The following LCE6A variants were observed in gnomAD, a reference collection of about 807,000 sequenced individuals.
LCE6A encodes late cornified envelope protein 6A.
For synonymous variants in LCE6A, 38 were observed against 35.2 expected, an observed-to-expected ratio of 1.08 and a Z score of -0.28; for missense variants, 105 against 95.3, an observed-to-expected ratio of 1.10 and a Z score of -0.42.
Position 152,843,492 on chromosome 1 carries a change from TC to T in LCE6A, c.-21-7del. 6.7e-7 allele frequency: 1 copy of T among 1,491,126 alleles called. No homozygotes were observed. The highest frequency in any genetic ancestry group is 1.3e-5 in the South Asian group (1 of 74,548). 92.4% of individuals were successfully genotyped at this position (1,491,126 alleles called of 1,614,324 possible). ...CCTGGGTCCCTGATATAACTATTTT[TC>T]TTCCAGATTCGACCTGGTAGCCAAG... On this transcript the variant is annotated splice_polypyrimidine_tract_variant and splice_region_variant and intron_variant, in intron 1 of 1. Transcript: ENST00000431011.
Position 152,843,824 on chromosome 1 carries a change from A to T in LCE6A, c.*61A>T. 10 of 1,474,800 alleles carry T rather than the reference A, an allele frequency of 6.8e-6. No individual in the cohort carries two copies. Among genetic ancestry groups the T allele is most frequent in the Non-Finnish European group, 9.0e-6 (10 of 1,110,038 alleles). 91.4% of individuals were successfully genotyped at this position (1,474,800 alleles called of 1,614,324 possible). A position where few individuals can be genotyped will look rare whatever the true frequency, so the allele number is the denominator to read the frequency against. ...CTCCCTGCCCCACCTTTGGGTACTAATTCCCCCTTGGAAAGCCAGGCCCTC... is the reference window on the plus strand; with the variant it reads ...CTCCCTGCCCCACCTTTGGGTACTATTTCCCCCTTGGAAAGCCAGGCCCTC... On this transcript the variant is annotated 3_prime_UTR_variant, in exon 2 of 2. Coordinates refer to ENST00000431011, the MANE Select transcript of LCE6A (RefSeq NM_001128600.2).
chr1:152,843,803 C>A lies in LCE6A; in HGVS notation c.*40C>A. 2 of 1,505,980 alleles carry A rather than the reference C, an allele frequency of 1.3e-6. No homozygotes were observed. The highest frequency in any genetic ancestry group is 8.9e-7 in the Non-Finnish European group (1 of 1,123,788). 93.3% of individuals were successfully genotyped at this position (1,505,980 alleles called of 1,614,324 possible). On this transcript the variant is annotated 3_prime_UTR_variant, in exon 2 of 2. Coordinates refer to ENST00000431011, the MANE Select transcript of LCE6A (RefSeq NM_001128600.2). ...AGGCACAGGTGCAGTTACTCTCTCCCTGCCCCACCTTTGGGTACTAATTCC... is the reference window on the plus strand; with the variant it reads ...AGGCACAGGTGCAGTTACTCTCTCCATGCCCCACCTTTGGGTACTAATTCC...
intron 1 of LCE6A, among the ~76,000 whole-genome samples, 186 bp from the exon 2 acceptor site, chr1:152,843,314 G>A (rs11806299): frequency 0.053 from 7,995 of 151,052 alleles, 673 homozygotes; most frequent in African/African-American, 0.18. Context: ...ATGGTTATTA[G>A]TAAGTGAGTC....
At position 152,842,906 on chromosome 1, in the gene LCE6A, A is replaced by G. The variant is rs1357896154; in HGVS notation, c.-127A>G. ...ATAACTTGTCCACACATCTTCCACT[A>G]GGGTAAGGCTACTTCTGGCTGAGGA... On this transcript the variant is annotated 5_prime_UTR_variant, in exon 1 of 2. Transcript: ENST00000431011. 1 of 152,280 alleles carries G rather than the reference A, an allele frequency of 6.6e-6. No homozygotes were observed. The highest frequency in any genetic ancestry group is 6.5e-5 in the Admixed American group (1 of 15,268). The allele number at this position is 152,280 out of a possible 1,614,324, so 9.4% of individuals were successfully genotyped here. A position where few individuals can be genotyped will look rare whatever the true frequency, so the allele number is the denominator to read the frequency against.
At position 152,842,937 on chromosome 1, in the gene LCE6A, T is replaced by C. The variant is rs1647887609; in HGVS notation, c.-96T>C. The stretch of plus-strand genomic sequence containing the variant: ...AGGCTACTTCTGGCTGAGGAGACAC[T>C]TGGATGTAGCTCAAGTGCTGCTTAG... On this transcript the variant is annotated 5_prime_UTR_variant, in exon 1 of 2. Transcript: ENST00000431011. 2 of 152,282 alleles carry C rather than the reference T, an allele frequency of 1.3e-5. 1 individual carries two copies. The highest frequency in any genetic ancestry group is 6.3e-3 in the Middle Eastern group (2 of 320). 9.4% of individuals were successfully genotyped at this position (152,282 alleles called of 1,614,324 possible).
Position 152,843,894 on chromosome 1 carries a change from A to G in LCE6A, c.*131A>G. ...GAAACACTTCCTGATCCCCAGCTCTAGAGAAGCGAGAACTAGGCTGAGCCA... is the reference window on the plus strand; with the variant it reads ...GAAACACTTCCTGATCCCCAGCTCTGGAGAAGCGAGAACTAGGCTGAGCCA... On this transcript the variant is annotated 3_prime_UTR_variant, in exon 2 of 2. Coordinates refer to ENST00000431011, the MANE Select transcript of LCE6A (RefSeq NM_001128600.2). 5 of 1,137,788 alleles carry G rather than the reference A, an allele frequency of 4.4e-6. No homozygotes were observed. The highest frequency in any genetic ancestry group is 6.1e-6 in the Non-Finnish European group (5 of 820,910). The allele number at this position is 1,137,788 out of a possible 1,614,324, so 70.5% of individuals were successfully genotyped here. A position where few individuals can be genotyped will look rare whatever the true frequency, so the allele number is the denominator to read the frequency against.
At chr1:152,843,418 A>AT in intron 1 of LCE6A, 82 bp from the exon 2 acceptor site, 1 of 1,299,452 alleles carries the variant, frequency 7.7e-7, no homozygotes. Context: ...GCTGGACTTC[A>AT]TTTTTGACAG....
chr1:152,843,513 G>T lies in LCE6A; in HGVS notation c.-8G>T, dbSNP rs1340470257. 6.6e-7 allele frequency: 1 copy of T among 1,517,172 alleles called. No homozygotes were observed. Among genetic ancestry groups the T allele is most frequent in the African/African-American group, 1.4e-5 (1 of 71,360 alleles). The allele number at this position is 1,517,172 out of a possible 1,614,324, so 94.0% of individuals were successfully genotyped here. The stretch of plus-strand genomic sequence containing the variant: ...TTTTTCTTCCAGATTCGACCTGGTA[G>T]CCAAGCAATGTCACAGCAGAAGCAG... On this transcript the variant is annotated 5_prime_UTR_variant, in exon 2 of 2. Coordinates refer to ENST00000431011, the MANE Select transcript of LCE6A (RefSeq NM_001128600.2).
chr1:152,843,867 G>A lies in LCE6A; in HGVS notation c.*104G>A. On this transcript the variant is annotated 3_prime_UTR_variant, in exon 2 of 2. Transcript: ENST00000431011. ...AGGCCCTCAACCTCTCATTTGGACT[G>A]AGAAACACTTCCTGATCCCCAGCTC... 1.5e-6 allele frequency: 2 copies of A among 1,333,668 alleles called. No homozygotes were observed. The highest frequency in any genetic ancestry group is 2.7e-4 in the Middle Eastern group (1 of 3,730). 82.6% of individuals were successfully genotyped at this position (1,333,668 alleles called of 1,614,324 possible).
chr1:152,843,558 A>G lies in LCE6A; in HGVS notation c.38A>G (p.Asn13Ser), dbSNP rs1301762816. Residue 13 changes from asparagine to serine, a missense_variant, in exon 2 of 2, where the codon AAT becomes AGT. Asn to Ser is a conservative substitution (Grantham distance 46, BLOSUM62 1). Coordinates refer to ENST00000431011, the MANE Select transcript of LCE6A (RefSeq NM_001128600.2). ...QQKQQSWKPPNVPKCSPPQRS... is the reference protein window; with the variant it reads ...QQKQQSWKPPSVPKCSPPQRS... Reference sequence around the variant, plus strand: ...AAGCAGCAATCTTGGAAGCCTCCAAATGTTCCCAAATGCTCCCCTCCCCAA... The same window carrying G: ...AAGCAGCAATCTTGGAAGCCTCCAAGTGTTCCCAAATGCTCCCCTCCCCAA... 6 of 1,549,378 alleles carry G rather than the reference A, an allele frequency of 3.9e-6. No individual in the cohort carries two copies. Among genetic ancestry groups the G allele is most frequent in the African/African-American group, 2.7e-5 (2 of 72,878 alleles).
In LCE6A at chr1:152,843,832, T is replaced by C; in HGVS notation, c.*69T>C. On this transcript the variant is annotated 3_prime_UTR_variant, in exon 2 of 2. Transcript: ENST00000431011. ...CCCACCTTTGGGTACTAATTCCCCC[T>C]TGGAAAGCCAGGCCCTCAACCTCTC... The C allele has an allele frequency of 6.8e-7, 1 of 1,464,780 alleles. No homozygotes were observed. The highest frequency in any genetic ancestry group is 9.1e-7 in the Non-Finnish European group (1 of 1,104,264). The allele number at this position is 1,464,780 out of a possible 1,614,324, so 90.7% of individuals were successfully genotyped here. A position where few individuals can be genotyped will look rare whatever the true frequency, so the allele number is the denominator to read the frequency against.
Position 152,843,611 on chromosome 1 carries a change from T to C in LCE6A, c.91T>C (p.Ser31Pro). 2 of 1,551,566 alleles carry C rather than the reference T, an allele frequency of 1.3e-6. No individual in the cohort carries two copies. The highest frequency in any genetic ancestry group is 1.7e-6 in the Non-Finnish European group (2 of 1,146,902). ...ATCAAACCCCTGCCTAGCTCCCTAC[T>C]CGACTCCTTGTGGTGCTCCCCATTC... is the stretch of plus-strand genomic sequence containing the variant. ...QRSNPCLAPY[S>P]TPCGAPHSEG... The change falls in exon 2 of 2, where the codon TCG becomes CCG. Residue 31 changes from serine (S) to proline (P), a missense_variant. Ser to Pro is a moderately conservative substitution (Grantham distance 74, BLOSUM62 -1). Transcript: ENST00000431011.
chr1:152,843,798 T>G lies in LCE6A; in HGVS notation c.*35T>G. 3.3e-6 allele frequency: 5 copies of G among 1,513,218 alleles called. No individual in the cohort carries two copies. The highest frequency in any genetic ancestry group is 4.4e-6 in the Non-Finnish European group (5 of 1,126,788). The allele number at this position is 1,513,218 out of a possible 1,614,324, so 93.7% of individuals were successfully genotyped here. A position where few individuals can be genotyped will look rare whatever the true frequency, so the allele number is the denominator to read the frequency against. On this transcript the variant is annotated 3_prime_UTR_variant, in exon 2 of 2. Coordinates refer to ENST00000431011, the MANE Select transcript of LCE6A (RefSeq NM_001128600.2). ...AGTTGAGGCACAGGTGCAGTTACTC[T>G]CTCCCTGCCCCACCTTTGGGTACTA...
chr1:152,843,918 C>A lies in LCE6A; in HGVS notation c.*155C>A. On this transcript the variant is annotated 3_prime_UTR_variant, in exon 2 of 2. Transcript: ENST00000431011. ...TAGAGAAGCGAGAACTAGGCTGAGC[C>A]ACGCTGCTACTGCTCTCTTCCATTC... The A allele has an allele frequency of 1.3e-6, 1 of 787,930 alleles. No homozygotes were observed. 48.8% of individuals were successfully genotyped at this position (787,930 alleles called of 1,614,324 possible).
rs1347951649 is a variant in LCE6A, at chr1:152,843,541, A to G, written c.21A>G (p.Gln7=). ...AAGCAATGTCACAGCAGAAGCAGCAATCTTGGAAGCCTCCAAATGTTCCCA... is the reference window on the plus strand; with the variant it reads ...AAGCAATGTCACAGCAGAAGCAGCAGTCTTGGAAGCCTCCAAATGTTCCCA... The part of the protein sequence containing the change: MSQQKQ[Q]SWKPPNVPKC... Residue 7 remains glutamine (Q), a synonymous_variant, in exon 2 of 2, where the codon CAA becomes CAG. Transcript: ENST00000431011. 1 of 1,544,096 alleles carries G rather than the reference A, an allele frequency of 6.5e-7. No individual in the cohort carries two copies. The highest frequency in any genetic ancestry group is 8.7e-7 in the Non-Finnish European group (1 of 1,143,380).
Position 152,843,902 on chromosome 1 carries a change from G to T in LCE6A, c.*139G>T. ...TCCTGATCCCCAGCTCTAGAGAAGC[G>T]AGAACTAGGCTGAGCCACGCTGCTA... On this transcript the variant is annotated 3_prime_UTR_variant, in exon 2 of 2. Transcript: ENST00000431011. 9.4e-7 allele frequency: 1 copy of T among 1,064,554 alleles called. No individual in the cohort carries two copies. 65.9% of individuals were successfully genotyped at this position (1,064,554 alleles called of 1,614,324 possible).
Position 152,843,592 on chromosome 1 carries a change from C to T in LCE6A, c.72C>T (p.Asn24=). 6.4e-7 allele frequency: 1 copy of T among 1,551,452 alleles called. No homozygotes were observed. The highest frequency in any genetic ancestry group is 8.7e-7 in the Non-Finnish European group (1 of 1,146,852). ...AATGCTCCCCTCCCCAAAGATCAAA[C>T]CCCTGCCTAGCTCCCTACTCGACTC... ...VPKCSPPQRS[N]PCLAPYSTPC... is the part of the protein sequence containing the mutation. Residue 24 remains asparagine (N), a synonymous_variant, in exon 2 of 2, where the codon AAC becomes AAT. Transcript: ENST00000431011.
chr1:152,843,916 G>C lies in LCE6A; in HGVS notation c.*153G>C, dbSNP rs1557849079. 1.2e-6 allele frequency: 1 copy of C among 834,416 alleles called. No homozygotes were observed. Among genetic ancestry groups the C allele is most frequent in the Admixed American group, 3.0e-5 (1 of 33,336 alleles). 51.7% of individuals were successfully genotyped at this position (834,416 alleles called of 1,614,324 possible). ...TCTAGAGAAGCGAGAACTAGGCTGA[G>C]CCACGCTGCTACTGCTCTCTTCCAT... is the stretch of plus-strand genomic sequence containing the variant. On this transcript the variant is annotated 3_prime_UTR_variant, in exon 2 of 2. Coordinates refer to ENST00000431011, the MANE Select transcript of LCE6A (RefSeq NM_001128600.2).
chr1:152,843,530 C>T lies in LCE6A; in HGVS notation c.10C>T (p.Gln4Ter), dbSNP rs769357218. 1 of 1,536,674 alleles carries T rather than the reference C, an allele frequency of 6.5e-7. No homozygotes were observed. The highest frequency in any genetic ancestry group is 1.2e-5 in the South Asian group (1 of 82,130). Reference sequence around the variant, plus strand: ...ACCTGGTAGCCAAGCAATGTCACAGCAGAAGCAGCAATCTTGGAAGCCTCC... The same window carrying T: ...ACCTGGTAGCCAAGCAATGTCACAGTAGAAGCAGCAATCTTGGAAGCCTCC... The part of the protein sequence containing the change: MSQ[Q>*]KQQSWKPPNV... Residue 4 changes from glutamine (Q) to a stop codon, truncating the protein, a stop_gained, in exon 2 of 2, where the codon CAG (glutamine) becomes TAG (stop). Transcript: ENST00000431011. LOFTEE classifies it low-confidence loss of function (END_TRUNC).
Sources: gnomAD v4.1 joint callset for allele counts (sites outside exome capture counted in the v4.1 genomes callset) on GRCh38, gnomAD v4.1.1 for gene constraint, MANE v1.5 for transcripts, NCBI Gene and HGNC (gene_info 2026-07-23, HGNC 2026-07-21) for gene names.